The following USP40 variants were observed in gnomAD, a reference collection of about 807,000 sequenced individuals.
The protein encoded by USP40 is ubiquitin specific peptidase 40, also known as ubiquitin carboxyl-terminal hydrolase 40.
USP40 carries 143 observed loss-of-function variants against 166.2 expected under a neutral mutation model. That is an observed-to-expected ratio of 0.86 (90% confidence interval 0.75 to 0.99). USP40 has a LOEUF of 0.99. Among genes scored for constraint, USP40 ranks in the 50% least tolerant of loss-of-function variants. USP40 has a pLI of 0.00. For missense variants in USP40, 1,444 were observed against 1,479.7 expected, an observed-to-expected ratio of 0.98 and a Z score of 0.40; for synonymous variants, 498 against 524.0, an observed-to-expected ratio of 0.95 and a Z score of 0.68.
At position 233,559,930 on chromosome 2, in the gene USP40, T is replaced by A; in HGVS notation, c.268-6A>T. On this transcript the variant is annotated splice_polypyrimidine_tract_variant and splice_region_variant and intron_variant, in intron 3 of 31. Coordinates refer to ENST00000678225, the MANE Select transcript of USP40 (RefSeq NM_001365479.2). ...TGTAAAGGGATGATTCGAACCTGAA[T>A]GAGAAACAAACACATTTCTAAATGA... is the stretch of plus-strand genomic sequence containing the variant. 3.8e-6 allele frequency: 6 copies of A among 1,588,602 alleles called. No individual in the cohort carries two copies. The highest frequency in any genetic ancestry group is 4.3e-6 in the Non-Finnish European group (5 of 1,165,690).
chr2:233,528,437 C>G (rs755121200), intron 12 of USP40, among the ~76,000 whole-genome samples: 10 of 152,174 alleles, frequency 6.6e-5, no homozygotes, highest in Non-Finnish European at 1.3e-4. Flanking sequence ...CAATGTGGAG[C>G]TGGAATGAGG....
At chr2:233,542,556 TA>T (rs1393405928) in intron 8 of USP40, 193 bp from the exon 9 acceptor site, 32 of 431,264 alleles carry the variant, frequency 7.4e-5, no homozygotes, top group East Asian at 1.2e-4. Flanking sequence ...TACAAAAAGA[TA>T]AAAAAAATTA....
intron 29 of USP40, 44 bp downstream of exon 29, chr2:233,485,723 T>C (rs771781337): frequency 1.2e-6 from 2 of 1,607,652 alleles, no homozygotes; most frequent in South Asian, 1.1e-5. Context: ...CTCATTGCTA[T>C]GCCGGTAAGC....
chr2:233,561,237 C>T, intron 3 of USP40: 2 of 1,536,772 alleles, frequency 1.3e-6, no homozygotes, highest in Non-Finnish European at 1.8e-6. Flanking sequence ...CATATGGAAC[C>T]AAAAAAGAGC....
At chr2:233,499,163 C>T (rs2065913600) in intron 22 of USP40, among the ~76,000 whole-genome samples, 2 of 150,734 alleles carry the variant, frequency 1.3e-5, no homozygotes, top group Admixed American at 1.3e-4. Flanking sequence ...ACTCCCACCC[C>T]CCCATACACC....
At chr2:233,479,768 G>A (rs1400608377) in intron 31 of USP40, among the ~76,000 whole-genome samples, 2 of 152,034 alleles carry the variant, frequency 1.3e-5, no homozygotes, top group African/African-American at 4.8e-5. Flanking sequence ...GCTGCGAATG[G>A]GGGTGAGGCC....
chr2:233,562,758 T>C lies in USP40; in HGVS notation c.245A>G (p.Asp82Gly), dbSNP rs1218665462. The part of the protein sequence containing the change: ...LGPEELGLFE[D>G]KDKPDAKVRI... ...TACCTTTGCATCGGGTTTATCCTTA[T>C]CTTCAAACAAACCAAGCTCTTCTGG... The change falls in exon 3 of 32, where the codon GAT (aspartate) becomes GGT (glycine). Residue 82 changes from aspartate to glycine, a missense_variant. Transcript: ENST00000678225. 1.2e-5 allele frequency: 18 copies of C among 1,537,410 alleles called. No individual in the cohort carries two copies. Among genetic ancestry groups the C allele is most frequent in the Non-Finnish European group, 1.5e-5 (17 of 1,139,524 alleles).
chr2:233,501,293 G>C (rs757317450), intron 21 of USP40, among the ~76,000 whole-genome samples: 9 of 152,160 alleles, frequency 5.9e-5, no homozygotes, highest in Non-Finnish European at 1.0e-4. Context: ...GTAAGAGGGG[G>C]AAATGGTTGG....
intron 10 of USP40, among the ~76,000 whole-genome samples, chr2:233,537,278 A>G (rs1445042628): frequency 5.3e-5 from 8 of 152,112 alleles, no homozygotes; most frequent in Non-Finnish European, 1.2e-4. Flanking sequence ...CATGAAAGAG[A>G]CTTGAGCATC....
chr2:233,527,456 G>T lies in USP40; in HGVS notation c.1676C>A (p.Thr559Asn). The T allele has an allele frequency of 1.9e-6, 3 of 1,613,682 alleles. No homozygotes were observed. Among genetic ancestry groups the T allele is most frequent in the Non-Finnish European group, 2.5e-6 (3 of 1,179,796 alleles). ...TCCTAAAGTTTTTCTTTTATCAAAG[G>T]TCAAATCCCACACGCTTTCTGTTTG... is the stretch of plus-strand genomic sequence containing the variant. Reference protein sequence around the residue: ...VSQTESVWDLTFDKRKTLGDL... With the variant: ...VSQTESVWDLNFDKRKTLGDL... The change falls in exon 13 of 32, where the codon ACC (threonine) becomes AAC (asparagine). Residue 559 changes from threonine (T) to asparagine (N), a missense_variant. Thr to Asn is a moderately conservative substitution (Grantham distance 65). Coordinates refer to ENST00000678225, the MANE Select transcript of USP40 (RefSeq NM_001365479.2).
intron 31 of USP40, among the ~76,000 whole-genome samples, chr2:233,478,457 G>A (rs910347002): frequency 5.9e-5 from 9 of 152,160 alleles, no homozygotes; most frequent in Admixed American, 5.9e-4. Flanking sequence ...GCTGGCAAGC[G>A]ATTTGCAGTT....
At position 233,477,481 on chromosome 2, in the gene USP40, T is replaced by C; in HGVS notation, c.3622A>G (p.Ser1208Gly). Residue 1208 changes from serine to glycine, a missense_variant, in exon 32 of 32, where the codon AGC becomes GGC. Physicochemically the swap from Ser to Gly is moderately conservative, Grantham distance 56. Transcript: ENST00000678225. Reference sequence around the variant, plus strand: ...TCTGCACTGGAGAGGATGTAGCTGCTCTGCTCATGGAGGGCTTCTTGGCTG... The same window carrying C: ...TCTGCACTGGAGAGGATGTAGCTGCCCTGCTCATGGAGGGCTTCTTGGCTG... ...RKSQEALHEQSSYILSSAETP... is the reference protein window; with the variant it reads ...RKSQEALHEQGSYILSSAETP... The C allele has an allele frequency of 6.2e-7, 1 of 1,613,662 alleles. No homozygotes were observed. Among genetic ancestry groups the C allele is most frequent in the East Asian group, 2.2e-5 (1 of 44,876 alleles).
intron 21 of USP40, among the ~76,000 whole-genome samples, chr2:233,503,166 C>A (rs902257055): frequency 6.6e-6 from 1 of 152,092 alleles, no homozygotes; most frequent in African/African-American, 2.4e-5. Context: ...ATCAGAAATT[C>A]ATCAGAGAAA....
At chr2:233,494,956 T>TTATATA (rs71058559) in intron 24 of USP40, among the ~76,000 whole-genome samples, 916 of 34,968 alleles carry the variant, frequency 0.026, 10 homozygotes, top group Middle Eastern at 0.04. Flanking sequence ...ATATATATAT[T>TTATATA]TATATATATA....
chr2:233,542,139 G>A, intron 9 of USP40, 129 bp downstream of exon 9: 1 of 425,366 alleles, frequency 2.4e-6, no homozygotes, highest in South Asian at 8.0e-5. Context: ...TGTCCTTAAG[G>A]AAAGACTATG....
chr2:233,478,892 T>G (rs1317023765), intron 31 of USP40, among the ~76,000 whole-genome samples: 7 of 152,132 alleles, frequency 4.6e-5, no homozygotes. Context: ...CGCTGGCCCA[T>G]CTAGGAGAGG....
intron 23 of USP40, among the ~76,000 whole-genome samples, chr2:233,497,329 C>T (rs1485622417): frequency 6.6e-6 from 1 of 152,146 alleles, no homozygotes; most frequent in Non-Finnish European, 1.5e-5. Flanking sequence ...AATAAAGGAG[C>T]CACACAAGAT....
At chr2:233,498,456 T>TA in intron 23 of USP40, 92 bp downstream of exon 23, 1 of 1,137,378 alleles carries the variant, frequency 8.8e-7, no homozygotes, top group Non-Finnish European at 1.3e-6. Context: ...AGAAAGTAAT[T>TA]AAAGCTTTCT....
At chr2:233,524,593 T>C in intron 14 of USP40, 31 bp from the exon 15 acceptor site, 1 of 1,509,184 alleles carries the variant, frequency 6.6e-7, no homozygotes, top group Non-Finnish European at 8.9e-7. Context: ...AGACCATTCA[T>C]CATGACCATC....
Sources: allele counts gnomAD v4.1 joint callset (sites outside exome capture counted in the v4.1 genomes callset), GRCh38; gene constraint gnomAD v4.1.1; transcripts MANE v1.5; gene names NCBI Gene and HGNC (gene_info 2026-07-23, HGNC 2026-07-21).